The following NME7 variants were observed in gnomAD, a reference collection of about 807,000 sequenced individuals.
NME7 encodes nucleoside diphosphate kinase 7.
In NME7, 41 loss-of-function variants were observed where a neutral mutation model predicts 49.1. That is an observed-to-expected ratio of 0.83 (90% confidence interval 0.65 to 1.08). The LOEUF is 1.08. Ranked by LOEUF, NME7 falls within the 50% of genes least tolerant of loss-of-function variation. NME7 has a pLI of 0.00. For synonymous variants in NME7, 139 were observed against 150.6 expected (o/e 0.92, Z 0.56); for missense variants, 423 against 463.4 (o/e 0.91, Z 0.80).
At chr1:169,182,933 C>G (rs1188175989) in intron 10 of NME7, among the ~76,000 whole-genome samples, 1 of 152,150 alleles carries the variant, frequency 6.6e-6, no homozygotes, top group African/African-American at 2.4e-5. Flanking sequence ...CCCCGAAGAA[C>G]ATCCTTTTGA....
At chr1:169,222,975 G>C (rs562506848) in intron 10 of NME7, among the ~76,000 whole-genome samples, 16 of 152,236 alleles carry the variant, frequency 1.1e-4, no homozygotes, top group African/African-American at 2.9e-4. Context: ...ACCCTGGTGA[G>C]GTTTCACTAA....
intron 10 of NME7, among the ~76,000 whole-genome samples, chr1:169,192,998 T>G (rs1335839686): frequency 6.6e-6 from 1 of 152,090 alleles, no homozygotes; most frequent in Non-Finnish European, 1.5e-5. Context: ...TTCATTATAT[T>G]TCAATTAAGT....
At chr1:169,190,798 C>CTTTTTTTTTTTTTTTTTTTTTTTTTT (rs1157694915) in intron 10 of NME7, 1 of 76,824 alleles carries the variant, frequency 1.3e-5, no homozygotes, top group Non-Finnish European at 2.3e-5. Flanking sequence ...TGAACTGTTT[C>CTTTTTTTTTTTTTTTTTTTTTTTTTT]TTTTTTTTTT....
chr1:169,269,370 A>T (rs1468238955), intron 7 of NME7, among the ~76,000 whole-genome samples: 1 of 134,214 alleles, frequency 7.5e-6, no homozygotes, highest in African/African-American at 2.5e-5. Context: ...ACAAAACTCC[A>T]AAATGGTGAC....
intron 10 of NME7, among the ~76,000 whole-genome samples, chr1:169,174,070 T>C (rs1045979843): frequency 1.2e-4 from 18 of 152,288 alleles, no homozygotes; most frequent in African/African-American, 4.3e-4. Flanking sequence ...TTCTTGGCTA[T>C]GTTACAGCTC....
chr1:169,197,323 G>A (rs955975498), intron 10 of NME7, among the ~76,000 whole-genome samples: 4 of 151,996 alleles, frequency 2.6e-5, no homozygotes, highest in African/African-American at 9.7e-5. Context: ...TCATATTTAA[G>A]TGTGTAATTC....
chr1:169,228,022 AT>A (rs1202932863), intron 10 of NME7, among the ~76,000 whole-genome samples: 2 of 145,402 alleles, frequency 1.4e-5, no homozygotes, highest in Non-Finnish European at 3.0e-5. Flanking sequence ...ATAGAAAAAA[AT>A]ATATAATTAT....
Position 169,287,389 on chromosome 1 carries a change from G to A in NME7, c.668C>T (p.Pro223Leu). 6.3e-7 allele frequency: 1 copy of A among 1,588,818 alleles called. No individual in the cohort carries two copies. The highest frequency in any genetic ancestry group is 1.2e-5 in the South Asian group (1 of 84,854). The change falls in exon 7 of 12, where the codon CCT (proline) becomes CTT (leucine). Residue 223 changes from proline to leucine, a missense_variant. Coordinates refer to ENST00000367811, the MANE Select transcript of NME7 (RefSeq NM_013330.5). ...SAAREMELFF[P>L]SSGGCGPANT... ...TGCCGGCCCACAACCTCCACTTGAA[G>A]GAAAAAACAACTCCATTTCCTAAAG...
chr1:169,336,108 G>T (rs1342311252), intron 1 of NME7, among the ~76,000 whole-genome samples: 12 of 152,094 alleles, frequency 7.9e-5, no homozygotes, highest in African/African-American at 2.9e-4. Flanking sequence ...GCTGGCTCAG[G>T]AGTGAAGCTG....
intron 10 of NME7, among the ~76,000 whole-genome samples, chr1:169,224,170 C>G (rs2101810208): frequency 6.6e-6 from 1 of 152,288 alleles, no homozygotes; most frequent in African/African-American, 2.4e-5. Context: ...TCTGACACAC[C>G]AGGCCAGATC....
intron 7 of NME7, among the ~76,000 whole-genome samples, chr1:169,272,467 G>GC: frequency 1.4e-5 from 1 of 71,696 alleles, no homozygotes; most frequent in Admixed American, 1.9e-4. Context: ...ATGACAGGCC[G>GC]CAGCGTGTGT....
intron 11 of NME7, among the ~76,000 whole-genome samples, chr1:169,136,316 T>A (rs1419525269): frequency 6.6e-6 from 1 of 152,194 alleles, no homozygotes; most frequent in Non-Finnish European, 1.5e-5. Context: ...AGCAAGAGAA[T>A]AGTATAATAG....
chr1:169,234,180 CA>C (rs891297011), intron 9 of NME7, among the ~76,000 whole-genome samples: 3 of 152,022 alleles, frequency 2.0e-5, no homozygotes, highest in Non-Finnish European at 4.4e-5. Context: ...ATTTTTTAAA[CA>C]AAAAAACAAC....
chr1:169,323,082 G>A (rs1449916950), intron 3 of NME7, 35 bp downstream of exon 3: 2 of 1,472,582 alleles, frequency 1.4e-6, no homozygotes, highest in Non-Finnish European at 1.8e-6. Context: ...CCCAAAGTTA[G>A]AGCATGTAAA....
intron 10 of NME7, among the ~76,000 whole-genome samples, chr1:169,181,048 C>G (rs1659911005): frequency 6.6e-6 from 1 of 152,112 alleles, no homozygotes; most frequent in African/African-American, 2.4e-5. Context: ...CTCTCTCATG[C>G]TAATGGAAAC....
At chr1:169,226,143 T>A (rs1647329115) in intron 10 of NME7, among the ~76,000 whole-genome samples, 1 of 152,188 alleles carries the variant, frequency 6.6e-6, no homozygotes, top group Admixed American at 6.5e-5. Context: ...CAAGGGTCTT[T>A]CTTTAGATAT....
chr1:169,356,441 G>A (rs1653470717), intron 1 of NME7, among the ~76,000 whole-genome samples: 1 of 152,066 alleles, frequency 6.6e-6, no homozygotes, highest in Non-Finnish European at 1.5e-5. Context: ...GAAAAAACGT[G>A]TAGGAGCATT....
At chr1:169,228,242 G>T (rs1231458694) in intron 10 of NME7, among the ~76,000 whole-genome samples, 1 of 151,906 alleles carries the variant, frequency 6.6e-6, no homozygotes, top group African/African-American at 2.4e-5. Flanking sequence ...ACTGACATGG[G>T]CTCAATAAAT....
At position 169,238,490 on chromosome 1, in the gene NME7, C is replaced by CACACAT. The variant is rs529296483; in HGVS notation, c.755-804_755-803insATGTGT. 1.1e-3 allele frequency among the ~76,000 whole-genome samples: 149 copies of CACACAT among 139,190 alleles called. 1 individual carries two copies. Among genetic ancestry groups the CACACAT allele is most frequent in the Non-Finnish European group, 1.7e-3 (102 of 60,540 alleles). 91.3% of individuals were successfully genotyped at this position (139,190 alleles called of 152,430 possible). On this transcript the variant is annotated intron_variant, in intron 7 of 11. Coordinates refer to ENST00000367811, the MANE Select transcript of NME7 (RefSeq NM_013330.5). ...ACATGCACAAAGGCACACACACACA[C>CACACAT]ACACACACACACACACACACACACA...
Sources: allele counts gnomAD v4.1 joint callset (sites outside exome capture counted in the v4.1 genomes callset), GRCh38; gene constraint gnomAD v4.1.1; transcripts MANE v1.5; gene names NCBI Gene and HGNC (gene_info 2026-07-23, HGNC 2026-07-21).